Variants in NMT2 observed in about 807,000 individuals in gnomAD.
The protein encoded by NMT2 is N-myristoyltransferase 2.
A neutral mutation model predicts 65.4 loss-of-function variants in NMT2; 35 were observed. That is an observed-to-expected ratio of 0.54 (90% CI 0.41 to 0.71). The LOEUF is 0.71. Among genes scored for constraint, NMT2 ranks in the 30% least tolerant of loss-of-function variants. The probability of loss-of-function intolerance (pLI) is 0.00; values close to 1 mark genes in which losing one functional copy is unlikely to be tolerated. For missense variants in NMT2, 489 were observed against 611.3 expected, an observed-to-expected ratio of 0.80 and a Z score of 2.11; for synonymous variants, 226 against 231.8, an observed-to-expected ratio of 0.98 and a Z score of 0.23.
In NMT2 at chr10:15,108,515, T is replaced by C. The variant is rs1030266720; in HGVS notation, c.*680A>G. On this transcript the variant is annotated 3_prime_UTR_variant, in exon 12 of 12. Coordinates refer to ENST00000378165, the MANE Select transcript of NMT2 (RefSeq NM_004808.3). ...CTCTTTCAGAGAGCACAGTGAGTGC[T>C]TGCACAAAACTCTGCTTTTGAAGCA... The C allele has an allele frequency of 5.1e-6, 5 of 985,622 alleles. No homozygotes were observed. Among genetic ancestry groups the C allele is most frequent in the East Asian group, 1.1e-4 (1 of 8,844 alleles). 61.1% of individuals were successfully genotyped at this position (985,622 alleles called of 1,614,324 possible). A position where few individuals can be genotyped will look rare whatever the true frequency, so the allele number is the denominator to read the frequency against.
intron 1 of NMT2, among the ~76,000 whole-genome samples, chr10:15,148,440 G>C (rs1847036137): frequency 6.6e-6 from 1 of 152,186 alleles, no homozygotes; most frequent in African/African-American, 2.4e-5. Context: ...TTGAGTCCAG[G>C]AGTTTGAGGC....
chr10:15,125,801 G>A lies in NMT2; in HGVS notation c.999+2549C>T, dbSNP rs192820705. On this transcript the variant is annotated intron_variant, in intron 8 of 11. Transcript: ENST00000378165. ...CCTGCCTCAGCCTCCCTAGTAGCTG[G>A]GACTACAGCCATGTGCCACCATCCA... is the stretch of plus-strand genomic sequence containing the variant. 2.5e-3 allele frequency among the ~76,000 whole-genome samples: 387 copies of A among 152,074 alleles called. 2 individuals carry two copies. The highest frequency in any genetic ancestry group is 8.6e-3 in the African/African-American group (358 of 41,496).
chr10:15,109,598 A>G, intron 11 of NMT2, 104 bp downstream of exon 11: 2 of 895,022 alleles, frequency 2.2e-6, no homozygotes, highest in Non-Finnish European at 1.6e-6. Flanking sequence ...AATAAATAAA[A>G]TGAACAAAAA....
chr10:15,160,267 G>A (rs2131629266), intron 1 of NMT2, among the ~76,000 whole-genome samples: 1 of 152,298 alleles, frequency 6.6e-6, no homozygotes, highest in South Asian at 2.1e-4. Flanking sequence ...TGATTCCTGG[G>A]AGGAGGGTGG....
In NMT2 at chr10:15,107,293, C is replaced by T. The variant is rs766144551; in HGVS notation, c.*1902G>A. ...GGGCTACACAAAAATAAGCAATGGG[C>T]TGGATTTAGCCCACAGGCCATAGTT... On this transcript the variant is annotated 3_prime_UTR_variant, in exon 12 of 12. Transcript: ENST00000378165. The T allele has an allele frequency of 5.3e-6, 5 of 947,336 alleles. No homozygotes were observed. The highest frequency in any genetic ancestry group is 6.3e-6 in the Non-Finnish European group (5 of 795,288). The allele number at this position is 947,336 out of a possible 1,614,324, so 58.7% of individuals were successfully genotyped here.
At chr10:15,116,753 C>T (rs1163031723) in intron 9 of NMT2, among the ~76,000 whole-genome samples, 1 of 151,426 alleles carries the variant, frequency 6.6e-6, no homozygotes, top group Non-Finnish European at 1.5e-5. Context: ...ACAGATCCCA[C>T]AGCCACTAAA....
chr10:15,139,206 T>C (rs561180800), intron 2 of NMT2, among the ~76,000 whole-genome samples: 1 of 152,294 alleles, frequency 6.6e-6, no homozygotes, highest in Non-Finnish European at 1.5e-5. Flanking sequence ...GATGGCCTAT[T>C]GTGGGACCTT....
intron 1 of NMT2, among the ~76,000 whole-genome samples, chr10:15,156,886 ACT>A (rs1260997360): frequency 6.6e-6 from 1 of 151,242 alleles, no homozygotes; most frequent in African/African-American, 2.4e-5. Context: ...ACAGAGCTAG[ACT>A]CTGTCTCAAC....
intron 2 of NMT2, chr10:15,138,484 T>C (rs1368993868): frequency 2.1e-6 from 1 of 471,016 alleles, no homozygotes; most frequent in Non-Finnish European, 4.4e-6. Flanking sequence ...GATGAATATC[T>C]ACCCGACATT....
At chr10:15,124,487 G>A (rs933559115) in intron 8 of NMT2, among the ~76,000 whole-genome samples, 7 of 152,134 alleles carry the variant, frequency 4.6e-5, no homozygotes, top group Non-Finnish European at 8.8e-5. Flanking sequence ...CGAGCATAAC[G>A]CCGGCCACAA....
chr10:15,114,576 T>C (rs1028466948), intron 9 of NMT2, among the ~76,000 whole-genome samples: 3 of 152,200 alleles, frequency 2.0e-5, no homozygotes, highest in African/African-American at 7.2e-5. Flanking sequence ...TTACATACAC[T>C]GTTCCAGAGA....
intron 9 of NMT2, among the ~76,000 whole-genome samples, chr10:15,116,087 A>AT (rs1845734968): frequency 6.6e-6 from 1 of 152,232 alleles, no homozygotes; most frequent in African/African-American, 2.4e-5. Flanking sequence ...ACATGATGCA[A>AT]TTGCCATACA....
chr10:15,135,752 A>C (rs1846461095), intron 2 of NMT2, among the ~76,000 whole-genome samples: 1 of 152,008 alleles, frequency 6.6e-6, no homozygotes, highest in African/African-American at 2.4e-5. Context: ...ACTGTCATCC[A>C]ACAGCCAGGC....
At chr10:15,162,072 G>T (rs1343260799) in intron 1 of NMT2, among the ~76,000 whole-genome samples, 2 of 152,196 alleles carry the variant, frequency 1.3e-5, no homozygotes, top group African/African-American at 4.8e-5. Flanking sequence ...AGACAACATA[G>T]TGAGACCCTG....
At chr10:15,115,810 C>G (rs1198943607) in intron 9 of NMT2, among the ~76,000 whole-genome samples, 2 of 152,124 alleles carry the variant, frequency 1.3e-5, no homozygotes, top group Non-Finnish European at 1.5e-5. Context: ...ATAAAGTATA[C>G]TCCAGAGCAA....
intron 2 of NMT2, among the ~76,000 whole-genome samples, chr10:15,135,695 T>C (rs1168271221): frequency 6.6e-6 from 1 of 152,038 alleles, no homozygotes; most frequent in Non-Finnish European, 1.5e-5. Context: ...CATCTACAAA[T>C]GGTCCCCGGC....
intron 8 of NMT2, among the ~76,000 whole-genome samples, chr10:15,128,000 C>T (rs888989945): frequency 3.3e-5 from 5 of 152,164 alleles, no homozygotes; most frequent in Non-Finnish European, 5.9e-5. Context: ...CTCTCCTCTA[C>T]ACTTGATTCC....
rs145138036 is a variant in NMT2, at chr10:15,141,748, GC to G, written c.111-192del. Among the ~76,000 whole-genome samples the G allele has an allele frequency of 9.0e-3, 1,369 of 152,288 alleles. 21 individuals carry two copies. Among genetic ancestry groups the G allele is most frequent in the African/African-American group, 0.031 (1,283 of 41,560 alleles). On this transcript the variant is annotated intron_variant, in intron 1 of 11. Transcript: ENST00000378165. ...TAACAGGCAATGCAGAAGAATACCA[GC>G]CCCCGCTCAGTCATCCTGCAGGTGC...
At position 15,134,961 on chromosome 10, in the gene NMT2, G is replaced by C. The variant is rs561614697; in HGVS notation, c.391+313C>G. Among the ~76,000 whole-genome samples, 11 of 152,248 alleles carry C rather than the reference G, an allele frequency of 7.2e-5. No homozygotes were observed. In the South Asian group the frequency reaches 1.2e-3, roughly 17 times the overall value. On this transcript the variant is annotated intron_variant, in intron 3 of 11. Transcript: ENST00000378165. ...TGATCATGCCACTGCACTCCAGCCT[G>C]GGTGATAGAGTGAGACCCTATCTCA...
Sources: gnomAD v4.1 joint callset for allele counts (sites outside exome capture counted in the v4.1 genomes callset) on GRCh38, gnomAD v4.1.1 for gene constraint, MANE v1.5 for transcripts, NCBI Gene and HGNC (gene_info 2026-07-23, HGNC 2026-07-21) for gene names.